Variants in PHACTR3 observed in about 807,000 individuals in gnomAD.
The protein encoded by PHACTR3 is phosphatase and actin regulator 3.
A neutral mutation model predicts 66.8 loss-of-function variants in PHACTR3; 16 were observed. The ratio of observed to expected loss-of-function variants is 0.24; its 90% CI spans 0.16 to 0.36. The LOEUF (loss-of-function observed/expected upper bound fraction) is 0.36, where lower values mean the gene tolerates loss of function less well. Among genes scored for constraint, PHACTR3 ranks in the 10% least tolerant of loss-of-function variants. The pLI is 1.00. For missense variants in PHACTR3, 647 were observed against 719.9 expected, an observed-to-expected ratio of 0.90 and a Z score of 1.16; for synonymous variants, 323 against 292.1, an observed-to-expected ratio of 1.11 and a Z score of -1.08.
intron 1 of PHACTR3, among the ~76,000 whole-genome samples, chr20:59,702,106 C>T (rs1475418646): frequency 6.6e-6 from 1 of 152,190 alleles, no homozygotes; most frequent in African/African-American, 2.4e-5. Flanking sequence ...TATCCATTTA[C>T]CTGTGGAAGG....
intron 7 of PHACTR3, among the ~76,000 whole-genome samples, chr20:59,791,020 C>T (rs2041075123): frequency 6.6e-6 from 1 of 152,140 alleles, no homozygotes; most frequent in African/African-American, 2.4e-5. Context: ...CATTAATTCA[C>T]CAGGGAGGTG....
intron 1 of PHACTR3, among the ~76,000 whole-genome samples, chr20:59,669,913 C>A (rs984136596): frequency 7.2e-5 from 11 of 152,214 alleles, no homozygotes; most frequent in Non-Finnish European, 1.3e-4. Flanking sequence ...ATTGTTTTAA[C>A]CTAAATTGCC....
chr20:59,815,824 T>G (rs996560220), intron 8 of PHACTR3, among the ~76,000 whole-genome samples: 2 of 151,478 alleles, frequency 1.3e-5, no homozygotes, highest in Non-Finnish European at 2.9e-5. Flanking sequence ...TGGATGAGAG[T>G]TTTAAGCATG....
intron 8 of PHACTR3, among the ~76,000 whole-genome samples, chr20:59,812,739 C>A (rs866244932): frequency 1.3e-5 from 2 of 152,160 alleles, no homozygotes; most frequent in African/African-American, 4.8e-5. Context: ...CACGTGGAAG[C>A]GGGGGAGGAA....
At position 59,767,253 on chromosome 20, in the gene PHACTR3, G is replaced by C. The variant is rs753738508; in HGVS notation, c.609G>C (p.Glu203Asp). Reference protein sequence around the residue: ...DAGSLLPTTNELSQALAGADS... With the variant: ...DAGSLLPTTNDLSQALAGADS... ...GCAGCCTCCTGCCCACCACCAATGA[G>C]CTCTCCCAAGCCTTAGCTGGGGCTG... Residue 203 changes from glutamate to aspartate, a missense_variant, in exon 5 of 13, where the codon GAG becomes GAC. Coordinates refer to ENST00000371015, the MANE Select transcript of PHACTR3 (RefSeq NM_080672.5). 8.1e-6 allele frequency: 13 copies of C among 1,614,112 alleles called. No individual in the cohort carries two copies. The highest frequency in any genetic ancestry group is 1.0e-5 in the Non-Finnish European group (12 of 1,180,054).
At chr20:59,651,855 AG>A (rs2035470221) in intron 1 of PHACTR3, among the ~76,000 whole-genome samples, 1 of 151,894 alleles carries the variant, frequency 6.6e-6, no homozygotes, top group Non-Finnish European at 1.5e-5. Context: ...GTAGGTAGGT[AG>A]GTAGGTAGGT....
rs6123929 is a variant in PHACTR3 at position 59,738,411 on chromosome 20, C to T, written c.119-4696C>T. On this transcript the variant is annotated intron_variant, in intron 1 of 12. Transcript: ENST00000371015. This position sits in a 1 kb window ranked among gnomAD's most constrained non-coding sequence, Gnocchi z 4.4. ...ATTTTGTCCTAAATGAGAAGGGAAG[C>T]GAGCAGGAAGTGATAGGGTTAGAGC... Among the ~76,000 whole-genome samples, 5 of 152,020 alleles carry T rather than the reference C, an allele frequency of 3.3e-5. No individual in the cohort carries two copies. Among genetic ancestry groups the T allele is most frequent in the African/African-American group, 9.7e-5 (4 of 41,400 alleles).
At chr20:59,700,977 C>T (rs1377541739) in intron 1 of PHACTR3, among the ~76,000 whole-genome samples, 2 of 148,390 alleles carry the variant, frequency 1.3e-5, no homozygotes, top group Admixed American at 6.7e-5. Context: ...AATTTTTTGG[C>T]GACGGGGTCT....
rs71321557 is a variant in PHACTR3, at chr20:59,847,483, C to G, written c.*353C>G. 4.6e-6 allele frequency: 1 copy of G among 217,504 alleles called. No homozygotes were observed. Among genetic ancestry groups the G allele is most frequent in the Non-Finnish European group, 9.1e-6 (1 of 109,334 alleles). 13.5% of individuals were successfully genotyped at this position (217,504 alleles called of 1,614,324 possible). ...ATGTGCAGGCTCACCACTCCCAGGC[C>G]TCTGACATGAGGGACATGTGACAGT... On this transcript the variant is annotated 3_prime_UTR_variant, in exon 13 of 13. Coordinates refer to ENST00000371015, the MANE Select transcript of PHACTR3 (RefSeq NM_080672.5).
chr20:59,646,673 G>C (rs543832938), intron 1 of PHACTR3, among the ~76,000 whole-genome samples: 27 of 152,284 alleles, frequency 1.8e-4, no homozygotes, highest in South Asian at 1.2e-3. Flanking sequence ...ACCAGTCCAG[G>C]CCTGGAGGGG....
chr20:59,823,958 C>T (rs1008136813), intron 8 of PHACTR3, among the ~76,000 whole-genome samples: 9 of 152,232 alleles, frequency 5.9e-5, no homozygotes, highest in Non-Finnish European at 8.8e-5. Flanking sequence ...CACAGCTCAG[C>T]TGGTGTGGCC....
At chr20:59,666,540 T>G (rs966576619) in intron 1 of PHACTR3, among the ~76,000 whole-genome samples, 19 of 147,594 alleles carry the variant, frequency 1.3e-4, no homozygotes, top group South Asian at 2.1e-4. Flanking sequence ...GAGACAGAGG[T>G]AGAGAGAGAG....
chr20:59,710,222 G>A (rs1388122522), intron 1 of PHACTR3, among the ~76,000 whole-genome samples: 2 of 152,122 alleles, frequency 1.3e-5, no homozygotes, highest in Non-Finnish European at 2.9e-5. Flanking sequence ...ATTTATTCAG[G>A]TATTATAAAC....
At chr20:59,757,921 GATCA>G (rs2039861519) in intron 4 of PHACTR3, among the ~76,000 whole-genome samples, 1 of 152,192 alleles carries the variant, frequency 6.6e-6, no homozygotes, top group Non-Finnish European at 1.5e-5. Flanking sequence ...AGTGAGCTGT[GATCA>G]CACCACTGCA....
At chr20:59,644,722 C>T (rs542253837) in intron 1 of PHACTR3, among the ~76,000 whole-genome samples, 7 of 152,334 alleles carry the variant, frequency 4.6e-5, no homozygotes, top group African/African-American at 1.4e-4. Context: ...GGCTGCACCT[C>T]CTGGGGGCTC....
intron 8 of PHACTR3, among the ~76,000 whole-genome samples, chr20:59,809,078 G>T (rs2041657737): frequency 1.3e-5 from 2 of 152,210 alleles, no homozygotes; most frequent in Admixed American, 1.3e-4. Flanking sequence ...CCTCTGAGCA[G>T]TGGGGCTTTT....
intron 7 of PHACTR3, among the ~76,000 whole-genome samples, chr20:59,788,765 G>A (rs1182515): frequency 0.97 from 148,483 of 152,308 alleles, 72,406 homozygotes; most frequent in East Asian, 1. Flanking sequence ...CCTCTTTCCC[G>A]GGAAACCCGC....
chr20:59,744,107 G>GC (rs1289370666), intron 2 of PHACTR3, among the ~76,000 whole-genome samples: 1 of 152,202 alleles, frequency 6.6e-6, no homozygotes, highest in Non-Finnish European at 1.5e-5. Context: ...GCAGAACACG[G>GC]CCCCCCAGCA....
At chr20:59,602,597 CCT>C (rs2033511431), upstream of PHACTR3, among the ~76,000 whole-genome samples, 2 of 152,088 alleles carry the variant, frequency 1.3e-5, no homozygotes, top group Admixed American at 6.5e-5. Flanking sequence ...CAGCTGGAGA[CCT>C]CTGGTGTGAT....
Sources: gnomAD v4.1 joint callset for allele counts (sites outside exome capture counted in the v4.1 genomes callset) on GRCh38, gnomAD v4.1.1 for gene constraint, Gnocchi (gnomAD v3.1) non-coding constraint, MANE v1.5 for transcripts, NCBI Gene and HGNC (gene_info 2026-07-23, HGNC 2026-07-21) for gene names.